Variants in LARS2 observed in about 807,000 individuals in gnomAD.
LARS2 encodes leucyl-tRNA synthetase 2, mitochondrial.
A neutral mutation model predicts 116.6 loss-of-function variants in LARS2; 81 were observed. The ratio of observed to expected loss-of-function variants is 0.69; its 90% CI spans 0.58 to 0.84. The LOEUF is 0.84. LARS2 is among the 40% of genes least tolerant of loss of function. The pLI is 0.00. For missense variants in LARS2, 968 were observed against 1,114.5 expected (o/e 0.87, Z 1.87); for synonymous variants, 396 against 407.2 (o/e 0.97, Z 0.33).
At chr3:45,530,242 G>A (rs1700595223) in intron 20 of LARS2, among the ~76,000 whole-genome samples, 1 of 152,028 alleles carries the variant, frequency 6.6e-6, no homozygotes, top group Admixed American at 6.6e-5. Flanking sequence ...ACCACATTAG[G>A]CTGGGCGCTG....
intron 3 of LARS2, 67 bp from the exon 4 acceptor site, chr3:45,400,178 A>G: frequency 7.1e-7 from 1 of 1,416,758 alleles, no homozygotes; most frequent in South Asian, 1.4e-5. Flanking sequence ...AAAATGCCAA[A>G]ATATTATGTA....
At chr3:45,511,674 C>T (rs903072916) in intron 15 of LARS2, among the ~76,000 whole-genome samples, 1 of 151,594 alleles carries the variant, frequency 6.6e-6, no homozygotes, top group East Asian at 1.9e-4. Flanking sequence ...TCTGTCCGTT[C>T]TCGGAAGGTG....
intron 4 of LARS2, among the ~76,000 whole-genome samples, chr3:45,403,563 G>A (rs189838551): frequency 9.9e-5 from 15 of 152,234 alleles, no homozygotes; most frequent in African/African-American, 3.1e-4. Context: ...TGATCCGCCC[G>A]CCTTGGGACA....
At chr3:45,511,170 A>C (rs1291189163) in intron 15 of LARS2, among the ~76,000 whole-genome samples, 1 of 152,182 alleles carries the variant, frequency 6.6e-6, no homozygotes, top group African/African-American at 2.4e-5. Flanking sequence ...CAACCCTCAG[A>C]GAAGACAGTC....
chr3:45,476,112 G>T (rs1204887049), intron 9 of LARS2, among the ~76,000 whole-genome samples: 2 of 148,972 alleles, frequency 1.3e-5, no homozygotes, highest in Non-Finnish European at 3.0e-5. Flanking sequence ...AGAAAATATA[G>T]CTTCTTTCTC....
intron 4 of LARS2, among the ~76,000 whole-genome samples, chr3:45,404,890 C>A (rs934010150): frequency 6.6e-6 from 1 of 152,102 alleles, no homozygotes; most frequent in Non-Finnish European, 1.5e-5. Context: ...TCCGGCCAGT[C>A]CTTGCTATTT....
At chr3:45,533,651 A>G (rs1226700564) in intron 20 of LARS2, among the ~76,000 whole-genome samples, 1 of 152,148 alleles carries the variant, frequency 6.6e-6, no homozygotes, top group Non-Finnish European at 1.5e-5. Flanking sequence ...TGGGATTTTC[A>G]GAAACTCCCT....
chr3:45,430,252 G>C (rs1229040545), intron 6 of LARS2, among the ~76,000 whole-genome samples: 2 of 144,008 alleles, frequency 1.4e-5, no homozygotes, highest in South Asian at 2.2e-4. Context: ...GATTACAGGC[G>C]TGAGCCACCG....
intron 15 of LARS2, among the ~76,000 whole-genome samples, chr3:45,506,708 A>T (rs185100000): frequency 1.9e-4 from 29 of 151,660 alleles, no homozygotes; most frequent in Non-Finnish European, 3.7e-4. Flanking sequence ...AAGAAGCTGA[A>T]CTCCTTTGGG....
At position 45,446,922 on chromosome 3, in the gene LARS2, A is replaced by G. The variant is rs771870820; in HGVS notation, c.548A>G (p.Lys183Arg). The G allele has an allele frequency of 1.1e-4, 173 of 1,611,658 alleles. No individual in the cohort carries two copies. Among genetic ancestry groups the G allele is most frequent in the Non-Finnish European group, 1.4e-4 (163 of 1,178,372 alleles). Residue 183 changes from lysine (K) to arginine (R), a missense_variant, in exon 7 of 22, where the codon AAG becomes AGG. Transcript: ENST00000645846. ...ACTACGTGTTTGCCAGATTACTACAAGTGGACTCAGTATCTCTTTATTAAA... is the reference window on the plus strand; with the variant it reads ...ACTACGTGTTTGCCAGATTACTACAGGTGGACTCAGTATCTCTTTATTAAA... ...EITTCLPDYY[K>R]WTQYLFIKLY...
intron 14 of LARS2, among the ~76,000 whole-genome samples, chr3:45,498,894 A>G (rs1700066194): frequency 6.6e-6 from 1 of 152,222 alleles, no homozygotes; most frequent in Admixed American, 6.5e-5. Flanking sequence ...TTATATGACA[A>G]GTCACCTTAA....
At chr3:45,420,670 A>G (rs1698499880) in intron 6 of LARS2, among the ~76,000 whole-genome samples, 1 of 152,188 alleles carries the variant, frequency 6.6e-6, no homozygotes, top group Non-Finnish European at 1.5e-5. Context: ...CTGAGGTGCC[A>G]ATAGGGAATC....
intron 20 of LARS2, among the ~76,000 whole-genome samples, chr3:45,537,571 G>A (rs903705438): frequency 2.0e-5 from 3 of 151,574 alleles, no homozygotes. Context: ...TCAAAATACT[G>A]TCAATGAAAT....
At chr3:45,458,987 C>T (rs895848986) in intron 8 of LARS2, 101 bp downstream of exon 8, 7 of 1,213,408 alleles carry the variant, frequency 5.8e-6, no homozygotes, top group Non-Finnish European at 8.4e-6. Flanking sequence ...GGGTTGAGCT[C>T]TAGGAAGGGC....
intron 7 of LARS2, among the ~76,000 whole-genome samples, chr3:45,454,925 T>G (rs1407213495): frequency 2.6e-5 from 4 of 152,042 alleles, no homozygotes; most frequent in Non-Finnish European, 5.9e-5. Flanking sequence ...GGCCCTGGAT[T>G]TTGACGACTC....
At chr3:45,400,402 C>G (rs1698126101) in intron 4 of LARS2, 29 bp downstream of exon 4, 1 of 1,572,012 alleles carries the variant, frequency 6.4e-7, no homozygotes, top group Non-Finnish European at 8.6e-7. Context: ...TGGAGCAGCC[C>G]TTGTCTGCCA....
At chr3:45,496,820 C>T (rs933201536) in intron 14 of LARS2, among the ~76,000 whole-genome samples, 1 of 152,210 alleles carries the variant, frequency 6.6e-6, no homozygotes, top group Non-Finnish European at 1.5e-5. Flanking sequence ...CTGTGCACCT[C>T]GGAACAGGCT....
chr3:45,454,229 A>G (rs931651705), intron 7 of LARS2, among the ~76,000 whole-genome samples: 1 of 152,204 alleles, frequency 6.6e-6, no homozygotes, highest in African/African-American at 2.4e-5. Context: ...CTACACCTCC[A>G]AGAGCCTAAT....
At chr3:45,409,633 A>G (rs1223212984) in intron 4 of LARS2, among the ~76,000 whole-genome samples, 7 of 152,206 alleles carry the variant, frequency 4.6e-5, no homozygotes, top group Admixed American at 3.3e-4. Flanking sequence ...ATCATCTTAT[A>G]GAACAAAAGT....
Sources: gnomAD v4.1 joint callset for allele counts (sites outside exome capture counted in the v4.1 genomes callset) on GRCh38, gnomAD v4.1.1 for gene constraint, MANE v1.5 for transcripts, NCBI Gene and HGNC (gene_info 2026-07-23, HGNC 2026-07-21) for gene names.